The following DSCAM variants were observed in gnomAD, a reference collection of about 807,000 sequenced individuals.
The protein encoded by DSCAM is cell adhesion molecule DSCAM.
DSCAM carries 47 observed loss-of-function variants against 217.7 expected under a neutral mutation model. The observed-to-expected ratio is 0.22, with a 90% CI of 0.17 to 0.28. The LOEUF is 0.28. Ranked by LOEUF, DSCAM falls within the 10% of genes least tolerant of loss-of-function variation. The pLI, the probability that DSCAM is intolerant of heterozygous loss-of-function variation, is 1.00. For missense variants in DSCAM, 2,080 were observed against 2,618.3 expected (o/e 0.79, Z 4.49); for synonymous variants, 1,056 against 1,015.3 (o/e 1.04, Z -0.76).
rs562704229 is a variant in DSCAM, at chr21:40,240,814, G to A, written c.2356+35283C>T. Among the ~76,000 whole-genome samples, 5 of 152,226 alleles carry A rather than the reference G, an allele frequency of 3.3e-5. No individual in the cohort carries two copies. The South Asian group carries it at 1.0e-3, about 32-fold the overall frequency. ...GATCCCCTTGTAACAGGTATTTGTAGCTTCCCCACCATATCTAAGCTTCTT... is the reference window on the plus strand; with the variant it reads ...GATCCCCTTGTAACAGGTATTTGTAACTTCCCCACCATATCTAAGCTTCTT... On this transcript the variant is annotated intron_variant, in intron 11 of 32. Coordinates refer to ENST00000400454, the MANE Select transcript of DSCAM (RefSeq NM_001389.5).
intron 6 of DSCAM, among the ~76,000 whole-genome samples, chr21:40,340,240 T>C (rs1182369028): frequency 6.6e-6 from 1 of 152,194 alleles, no homozygotes; most frequent in Non-Finnish European, 1.5e-5. Flanking sequence ...AGAACAGGCA[T>C]GACCCAGAAC....
chr21:40,323,823 G>A (rs189296523), intron 8 of DSCAM, among the ~76,000 whole-genome samples: 7 of 152,298 alleles, frequency 4.6e-5, no homozygotes, highest in African/African-American at 1.4e-4. Flanking sequence ...AAGTAAGGGG[G>A]CTGGGTGCAG....
intron 3 of DSCAM, among the ~76,000 whole-genome samples, chr21:40,569,352 G>T (rs1166174464): frequency 6.6e-6 from 1 of 152,188 alleles, no homozygotes; most frequent in Non-Finnish European, 1.5e-5. Flanking sequence ...AGGTTATTGT[G>T]TAGGTGTGGT....
chr21:40,475,214 G>A (rs1200054704), intron 3 of DSCAM, among the ~76,000 whole-genome samples: 17 of 152,206 alleles, frequency 1.1e-4, no homozygotes. Context: ...GGTCACTCTT[G>A]GGTTTATTCC....
chr21:40,404,648 T>G (rs561364075), intron 3 of DSCAM, among the ~76,000 whole-genome samples: 2 of 152,312 alleles, frequency 1.3e-5, no homozygotes, highest in Admixed American at 1.3e-4. Context: ...GAAAGTTCTA[T>G]CATTGCCAAC....
chr21:40,209,292 A>T (rs1391473255), intron 11 of DSCAM, among the ~76,000 whole-genome samples: 1 of 152,210 alleles, frequency 6.6e-6, no homozygotes, highest in East Asian at 1.9e-4. Flanking sequence ...GGACCTGTCC[A>T]GTATAATGCC....
intron 32 of DSCAM, among the ~76,000 whole-genome samples, chr21:40,033,172 C>G (rs2146452904): frequency 6.6e-6 from 1 of 152,164 alleles, no homozygotes. Context: ...GGGGGAGGAG[C>G]CAAGATGGCC....
Position 40,189,029 on chromosome 21 carries a change from G to A in DSCAM, c.2553+13C>T, listed in dbSNP as rs762667478. The A allele has an allele frequency of 6.2e-7, 1 of 1,613,038 alleles. No individual in the cohort carries two copies. The highest frequency in any genetic ancestry group is 1.7e-4 in the Middle Eastern group (1 of 6,058). ...AAGTTCATTCCATTGTGTTGTATTT[G>A]CCATGCTTTTACCTGCAGAGTAGAA... On this transcript the variant is annotated intron_variant, in intron 12 of 32. Coordinates refer to ENST00000400454, the MANE Select transcript of DSCAM (RefSeq NM_001389.5).
chr21:40,084,961 C>A (rs1010484383), intron 23 of DSCAM, among the ~76,000 whole-genome samples: 1 of 151,236 alleles, frequency 6.6e-6, no homozygotes, highest in Non-Finnish European at 1.5e-5. Context: ...ACACCTAAAT[C>A]CAAAGAAGCA....
At chr21:40,108,901 A>T (rs545929656) in intron 20 of DSCAM, among the ~76,000 whole-genome samples, 1 of 152,328 alleles carries the variant, frequency 6.6e-6, no homozygotes, top group Admixed American at 6.5e-5. Flanking sequence ...CAATGGGGAA[A>T]GGACTCCCTA....
chr21:40,203,139 C>T (rs897281234), intron 11 of DSCAM, among the ~76,000 whole-genome samples: 1 of 152,186 alleles, frequency 6.6e-6, no homozygotes, highest in Non-Finnish European at 1.5e-5. Context: ...GAATTTTAAA[C>T]CATGCAGCCC....
intron 1 of DSCAM, among the ~76,000 whole-genome samples, chr21:40,846,116 AT>A (rs1262489119): frequency 3.9e-5 from 6 of 152,270 alleles, no homozygotes; most frequent in Admixed American, 1.3e-4. Flanking sequence ...AGGACAGAAC[AT>A]TCTTAAAGCC....
intron 3 of DSCAM, among the ~76,000 whole-genome samples, chr21:40,386,405 C>G (rs1211661289): frequency 6.6e-6 from 1 of 152,160 alleles, no homozygotes; most frequent in Non-Finnish European, 1.5e-5. Context: ...GAATGAACGC[C>G]CTTTGCTTCA....
intron 3 of DSCAM, among the ~76,000 whole-genome samples, chr21:40,451,770 A>T (rs1435522824): frequency 6.6e-6 from 1 of 152,204 alleles, no homozygotes; most frequent in East Asian, 1.9e-4. Context: ...TGGATTATTA[A>T]CATCAATGCA....
At chr21:40,265,484 A>T (rs1601498522) in intron 11 of DSCAM, among the ~76,000 whole-genome samples, 1 of 110,706 alleles carries the variant, frequency 9.0e-6, no homozygotes. Flanking sequence ...TTCACAAAAT[A>T]AAAAAAAAAA....
chr21:40,521,343 G>A (rs148470925), intron 3 of DSCAM, among the ~76,000 whole-genome samples: 216 of 152,198 alleles, frequency 1.4e-3, no homozygotes, highest in African/African-American at 4.6e-3. Context: ...ACTTTTTTCC[G>A]TAATGGCTTT....
At chr21:40,843,423 C>T (rs1222816713) in intron 1 of DSCAM, among the ~76,000 whole-genome samples, 2 of 150,876 alleles carry the variant, frequency 1.3e-5, no homozygotes, top group East Asian at 1.9e-4. Context: ...AACAGAGATG[C>T]CAGGATACTA....
chr21:40,308,538 A>G (rs1213017107), intron 9 of DSCAM, among the ~76,000 whole-genome samples: 2 of 152,180 alleles, frequency 1.3e-5, no homozygotes, highest in African/African-American at 2.4e-5. Flanking sequence ...TAGCTCCCTA[A>G]TCTCCAGTAG....
At chr21:40,172,275 A>C (rs916293031) in intron 15 of DSCAM, among the ~76,000 whole-genome samples, 1 of 152,234 alleles carries the variant, frequency 6.6e-6, no homozygotes, top group African/African-American at 2.4e-5. Context: ...TCTCACAAAA[A>C]ACAAGTGATT....
Sources: gnomAD v4.1 joint callset for allele counts (sites outside exome capture counted in the v4.1 genomes callset) on GRCh38, gnomAD v4.1.1 for gene constraint, MANE v1.5 for transcripts, NCBI Gene and HGNC (gene_info 2026-07-23, HGNC 2026-07-21) for gene names.